The following PHKA2 variants were observed in gnomAD, a reference collection of about 807,000 sequenced individuals.
PHKA2 encodes phosphorylase b kinase regulatory subunit alpha, liver isoform.
Under a neutral mutation model 102.0 loss-of-function variants are expected in PHKA2, and 31 were observed. The ratio of observed to expected loss-of-function variants is 0.30; its 90% CI spans 0.23 to 0.41. The LOEUF (loss-of-function observed/expected upper bound fraction) is 0.41, where lower values mean the gene tolerates loss of function less well. Ranked by LOEUF, PHKA2 falls within the 10% of genes least tolerant of loss-of-function variation. The pLI is 1.00. For missense variants in PHKA2, 858 were observed against 1,023.1 expected, an observed-to-expected ratio of 0.84 and a Z score of 2.20; for synonymous variants, 455 against 416.2, an observed-to-expected ratio of 1.09 and a Z score of -1.13.
At chrX:18,914,587 G>A (rs1173132974) in intron 19 of PHKA2, among the ~76,000 whole-genome samples, 1 of 111,584 alleles carries the variant, frequency 9.0e-6, no homozygotes, top group Non-Finnish European at 1.9e-5. Flanking sequence ...CTGGACATCC[G>A]CTTCAACTAC....
rs755128483 is a variant in PHKA2 at position 18,943,721 on chromosome X, C to T, written c.706G>A (p.Glu236Lys). ...CAAGAGGCTATTACCTGGCAGTGCT[C>T]GACCTCATCTGGCAGAACATGAATC... is the stretch of plus-strand genomic sequence containing the variant. ...SVIHVLPDEVEHCQSILFSML... is the reference protein window; with the variant it reads ...SVIHVLPDEVKHCQSILFSML... Residue 236 changes from glutamate (E) to lysine (K), a missense_variant, in exon 7 of 33, where the codon GAG becomes AAG. Around this residue, in one of 2 missense-constraint regions of PHKA2, gnomAD observed 187 missense variants for 277.9 expected, o/e 0.67. Coordinates refer to ENST00000379942, the MANE Select transcript of PHKA2 (RefSeq NM_000292.3). 3.3e-6 allele frequency: 4 copies of T among 1,204,227 alleles called. No homozygotes were observed. The highest frequency in any genetic ancestry group is 3.0e-5 in the East Asian group (1 of 33,734).
chrX:18,961,194 C>T (rs1173698101), intron 1 of PHKA2, among the ~76,000 whole-genome samples: 1 of 111,978 alleles, frequency 8.9e-6, no homozygotes, highest in Non-Finnish European at 1.9e-5. Flanking sequence ...GCGCAAGGTC[C>T]TGGCCTAGTT....
chrX:18,899,247 A>G (rs1488923411), intron 28 of PHKA2, 21 bp from the exon 29 acceptor site: 1 of 1,178,373 alleles, frequency 8.5e-7, no homozygotes, highest in Non-Finnish European at 1.2e-6. Flanking sequence ...AAAAGAATCC[A>G]CTCAGTTGAC....
At chrX:18,901,403 C>T (rs193132127) in intron 27 of PHKA2, 82 bp downstream of exon 27, 200 of 616,126 alleles carry the variant, frequency 3.2e-4, no homozygotes, top group Non-Finnish European at 5.1e-4. Flanking sequence ...CAGCCTCATG[C>T]CCTAGGTTTC....
In PHKA2 at chrX:18,893,453, TTGAGAGTG is replaced by T; in HGVS notation, c.*24_*31del. On this transcript the variant is annotated 3_prime_UTR_variant, in exon 33 of 33. Transcript: ENST00000379942. ...GTAAGGCTAGGGGGCACGTGACAGA[TTGAGAGTG>T]TGATCATGTTTCCAGGTGAGACCCT... 8.4e-7 allele frequency: 1 copy of T among 1,195,366 alleles called. No homozygotes were observed. The highest frequency in any genetic ancestry group is 2.2e-5 in the Admixed American group (1 of 45,949).
chrX:18,914,869 T>G (rs2047993202), intron 19 of PHKA2, among the ~76,000 whole-genome samples: 1 of 111,493 alleles, frequency 9.0e-6, no homozygotes, highest in Non-Finnish European at 1.9e-5. Context: ...GGCTTGGAGA[T>G]TCTCATGCAT....
Position 18,938,624 on chromosome X carries a change from C to T in PHKA2, c.1041+3G>A. The stretch of plus-strand genomic sequence containing the variant: ...ATCAACGTAACACCCAGCATTTTCT[C>T]ACCTGAACAGCATCACCACTGAAGA... On this transcript the variant is annotated splice_donor_region_variant and intron_variant, in intron 10 of 32. Transcript: ENST00000379942. 1 of 1,204,531 alleles carries T rather than the reference C, an allele frequency of 8.3e-7. No individual in the cohort carries two copies. Among genetic ancestry groups the T allele is most frequent in the Middle Eastern group, 2.3e-4 (1 of 4,332 alleles).
chrX:18,966,081 G>GTTTT (rs1178984805), intron 1 of PHKA2, among the ~76,000 whole-genome samples: 3 of 85,097 alleles, frequency 3.5e-5, no homozygotes, highest in African/African-American at 1.5e-4. Context: ...TGGCTCTTTT[G>GTTTT]TTTTTTTTTT....
chrX:18,897,994 GAC>G (rs1488652086), intron 29 of PHKA2: 1 of 113,332 alleles, frequency 8.8e-6, no homozygotes, highest in Non-Finnish European at 1.9e-5. Flanking sequence ...ACAGAGAAGT[GAC>G]AGACACGTTT....
chrX:18,921,999 C>A (rs1221441678), intron 17 of PHKA2, among the ~76,000 whole-genome samples: 1 of 112,603 alleles, frequency 8.9e-6, no homozygotes, highest in Non-Finnish European at 1.9e-5. Flanking sequence ...GTAATCCCAG[C>A]ACTTTGGGAG....
chrX:18,947,146 G>A (rs1026864986), intron 5 of PHKA2, among the ~76,000 whole-genome samples: 2 of 111,873 alleles, frequency 1.8e-5, no homozygotes, highest in African/African-American at 3.3e-5. Context: ...ATTTATTTAC[G>A]TGTTGTCTAT....
At chrX:18,919,151 C>T (rs894719425) in intron 18 of PHKA2, among the ~76,000 whole-genome samples, 1 of 111,676 alleles carries the variant, frequency 9.0e-6, no homozygotes, top group Non-Finnish European at 1.9e-5. Flanking sequence ...TGTAAGACAG[C>T]CTGAAGGATA....
In PHKA2 at chrX:18,978,950, G is replaced by T. The variant is rs747147729; in HGVS notation, c.78+4905C>A. ...AGGTCAGGAGTTCAAGACCAGCCTG[G>T]CATGGTGAAACCCCACCTCTACTTA... On this transcript the variant is annotated intron_variant, in intron 1 of 32. Transcript: ENST00000379942. Among the ~76,000 whole-genome samples, 4 of 109,397 alleles carry T rather than the reference G, an allele frequency of 3.7e-5. No homozygotes were observed. The South Asian group carries it at 1.6e-3, about 43-fold the overall frequency. 95.0% of individuals were successfully genotyped at this position (109,397 alleles called of 115,157 possible). A position where few individuals can be genotyped will look rare whatever the true frequency, so the allele number is the denominator to read the frequency against.
intron 11 of PHKA2, 52 bp from the exon 12 acceptor site, chrX:18,931,800 T>G: frequency 2.5e-6 from 2 of 803,124 alleles, no homozygotes; most frequent in Non-Finnish European, 1.9e-6. Context: ...AAAATGGCCA[T>G]GATACCTGAC....
At chrX:18,917,274 T>C (rs1464941960) in intron 19 of PHKA2, among the ~76,000 whole-genome samples, 1 of 108,905 alleles carries the variant, frequency 9.2e-6, no homozygotes, top group East Asian at 2.8e-4. Flanking sequence ...TTTTTTTTTT[T>C]TTGAGACAGG....
chrX:18,954,998 C>A (rs1204201936), intron 1 of PHKA2, among the ~76,000 whole-genome samples: 2 of 112,232 alleles, frequency 1.8e-5, no homozygotes, highest in Non-Finnish European at 3.8e-5. Context: ...TTTAAAAGGG[C>A]AACTGAGTCA....
rs1283350691 is a variant in PHKA2 at position 18,912,962 on chromosome X, C to T, written c.2138-2002G>A. Among the ~76,000 whole-genome samples, 3 of 110,276 alleles carry T rather than the reference C, an allele frequency of 2.7e-5. No homozygotes were observed. The Admixed American group carries it at 2.9e-4, about 11-fold the overall frequency. On this transcript the variant is annotated intron_variant, in intron 19 of 32. Transcript: ENST00000379942. ...GGTGTGATGGTGCATGCCTGTAGTC[C>T]CAGCTACTGGAGGGCTGAGGCAGAA...
intron 1 of PHKA2, among the ~76,000 whole-genome samples, chrX:18,982,791 G>A (rs1025179285): frequency 2.7e-5 from 3 of 111,863 alleles, no homozygotes; most frequent in African/African-American, 9.8e-5. Flanking sequence ...CCGAGATCGC[G>A]CCACTGCACT....
chrX:18,897,481 GTC>G, intron 29 of PHKA2, 148 bp from the exon 30 acceptor site: 1 of 506,463 alleles, frequency 2.0e-6, no homozygotes, highest in Non-Finnish European at 3.3e-6. Flanking sequence ...AGTCCACCTT[GTC>G]TGTTTCCTCA....
Sources: allele counts gnomAD v4.1 joint callset (sites outside exome capture counted in the v4.1 genomes callset), GRCh38; gene constraint gnomAD v4.1.1; regional missense constraint gnomAD v4.1.1; transcripts MANE v1.5; gene names NCBI Gene and HGNC (gene_info 2026-07-23, HGNC 2026-07-21).